The following REPS2 variants were observed in gnomAD, a reference collection of about 807,000 sequenced individuals.
The protein encoded by REPS2 is RALBP1 associated Eps domain containing 2.
REPS2 carries 23 observed loss-of-function variants against 53.6 expected under a neutral mutation model. The ratio of observed to expected loss-of-function variants is 0.43; its 90% CI spans 0.31 to 0.61. The LOEUF is 0.61. REPS2 is among the 20% of genes least tolerant of loss of function. REPS2 has a pLI of 0.11. For missense variants in REPS2, 446 were observed against 534.9 expected, an observed-to-expected ratio of 0.83 and a Z score of 1.64; for synonymous variants, 238 against 218.6, an observed-to-expected ratio of 1.09 and a Z score of -0.78.
downstream of REPS2, among the ~76,000 whole-genome samples, chrX:17,157,760 C>T (rs188556015): frequency 1.4e-4 from 16 of 112,431 alleles, no homozygotes; most frequent in Non-Finnish European, 1.9e-5. Context: ...AGCCTTCTTA[C>T]CATTATCAGG....
intron 6 of REPS2, among the ~76,000 whole-genome samples, chrX:17,050,129 T>TCTTCCTTC (rs1463683194): frequency 1.6e-4 from 9 of 55,282 alleles, no homozygotes; most frequent in African/African-American, 6.1e-4. Flanking sequence ...CTTCTTTCTT[T>TCTTCCTTC]CTTCCTTTCT....
chrX:17,062,999 A>G (rs2062178152), intron 9 of REPS2, among the ~76,000 whole-genome samples: 1 of 112,167 alleles, frequency 8.9e-6, no homozygotes. Context: ...GAACTCCCTC[A>G]GGGTTTTTAG....
At chrX:17,087,540 G>A (rs1475761154) in intron 13 of REPS2, among the ~76,000 whole-genome samples, 1 of 112,238 alleles carries the variant, frequency 8.9e-6, no homozygotes, top group African/African-American at 3.2e-5. Context: ...AAAGATTGTG[G>A]CATAAGCAAG....
At chrX:17,158,707 C>T in the REPS2 span, among the ~76,000 whole-genome samples, 4 of 111,757 alleles carry the variant, frequency 3.6e-5, no homozygotes, top group African/African-American at 6.5e-5. Context: ...GGATACTTGC[C>T]TGTTTTTTCT....
chrX:17,166,666 G>A, the REPS2 span, among the ~76,000 whole-genome samples: 1 of 111,880 alleles, frequency 8.9e-6, no homozygotes, highest in Non-Finnish European at 1.9e-5. Context: ...AGAACATTGT[G>A]TGCCTACACT....
chrX:16,961,982 C>T (rs1432502309), intron 1 of REPS2, among the ~76,000 whole-genome samples: 1 of 111,515 alleles, frequency 9.0e-6, no homozygotes, highest in Non-Finnish European at 1.9e-5. Flanking sequence ...AGAAAGACAA[C>T]AGATAACAAA....
At chrX:17,164,902 C>T in the REPS2 span, among the ~76,000 whole-genome samples, 1 of 111,456 alleles carries the variant, frequency 9.0e-6, no homozygotes, top group Non-Finnish European at 1.9e-5. Flanking sequence ...AAAAGATGAA[C>T]AAAATTAACC....
In REPS2 at chrX:17,024,285, T is replaced by TCAAA. The variant is rs111820217; in HGVS notation, c.547-757_547-754dup. Among the ~76,000 whole-genome samples, 463 of 106,906 alleles carry TCAAA rather than the reference T, an allele frequency of 4.3e-3. 2 individuals are homozygous for TCAAA. The highest frequency in any genetic ancestry group is 0.015 in the African/African-American group (442 of 29,339). The allele number at this position is 106,906 out of a possible 115,157, so 92.8% of individuals were successfully genotyped here. A position where few individuals can be genotyped will look rare whatever the true frequency, so the allele number is the denominator to read the frequency against. On this transcript the variant is annotated intron_variant, in intron 3 of 17. Transcript: ENST00000357277. ...CTGGGTGACAGAGCGAGACCCTGTC[T>TCAAA]CAAACAAACAAACAAACAAAAAAAA... is the stretch of plus-strand genomic sequence containing the variant.
At chrX:17,104,570 C>T (rs2148062476) in intron 14 of REPS2, among the ~76,000 whole-genome samples, 1 of 111,913 alleles carries the variant, frequency 8.9e-6, no homozygotes, top group African/African-American at 3.2e-5. Context: ...AGCTATCCTT[C>T]CATACGGGGA....
At chrX:17,045,164 C>T (rs1308894594) in intron 5 of REPS2, among the ~76,000 whole-genome samples, 1 of 104,431 alleles carries the variant, frequency 9.6e-6, no homozygotes, top group Non-Finnish European at 2.0e-5. Context: ...AACTCCTGAC[C>T]TCAGGTGATC....
chrX:17,052,626 A>G (rs1912740255), intron 7 of REPS2, among the ~76,000 whole-genome samples, 181 bp downstream of exon 7: 1 of 112,514 alleles, frequency 8.9e-6, no homozygotes, highest in Non-Finnish European at 1.9e-5. Context: ...AGTACAATGA[A>G]CAATGTCTGG....
At chrX:17,034,637 G>GA (rs1260033630) in intron 5 of REPS2, among the ~76,000 whole-genome samples, 2 of 112,017 alleles carry the variant, frequency 1.8e-5, no homozygotes, top group Non-Finnish European at 3.8e-5. Context: ...GATTGCACTA[G>GA]AAAAAATTAT....
At chrX:17,011,456 G>A (rs1212341316) in intron 2 of REPS2, among the ~76,000 whole-genome samples, 1 of 111,743 alleles carries the variant, frequency 8.9e-6, no homozygotes, top group African/African-American at 3.3e-5. Flanking sequence ...GCAGAACCTA[G>A]AGTAGGGTTT....
intron 5 of REPS2, among the ~76,000 whole-genome samples, chrX:17,046,448 T>A (rs2061907838): frequency 8.9e-6 from 1 of 111,942 alleles, no homozygotes; most frequent in Admixed American, 9.5e-5. Flanking sequence ...AGTGCTGGGA[T>A]TACTTGCGTG....
chrX:17,003,674 C>T (rs1472792418), intron 1 of REPS2, among the ~76,000 whole-genome samples: 1 of 111,712 alleles, frequency 9.0e-6, no homozygotes, highest in Non-Finnish European at 1.9e-5. Context: ...TCCAGCCCCT[C>T]CTACTAGGAG....
chrX:17,129,008 A>G (rs768667960), intron 14 of REPS2, among the ~76,000 whole-genome samples: 6 of 112,314 alleles, frequency 5.3e-5, no homozygotes, highest in Non-Finnish European at 1.9e-5. Flanking sequence ...GCCATTTGTT[A>G]TATTAATTGT....
intron 1 of REPS2, among the ~76,000 whole-genome samples, chrX:16,973,870 C>T (rs966791525): frequency 2.2e-4 from 24 of 110,331 alleles, no homozygotes; most frequent in African/African-American, 7.9e-4. Context: ...ACATCATGTT[C>T]TTCTATGCCT....
At chrX:16,969,077 C>T (rs976074382) in intron 1 of REPS2, among the ~76,000 whole-genome samples, 2 of 110,767 alleles carry the variant, frequency 1.8e-5, no homozygotes, top group African/African-American at 3.3e-5. Flanking sequence ...ACGCTCCTCA[C>T]ATCCCGGATG....
At chrX:16,951,520 C>G (rs1256610304) in intron 1 of REPS2, among the ~76,000 whole-genome samples, 1 of 42,381 alleles carries the variant, frequency 2.4e-5, no homozygotes, top group Non-Finnish European at 5.7e-5. Flanking sequence ...CACACACACA[C>G]ACACACACAC....
Sources: allele counts gnomAD v4.1 joint callset (sites outside exome capture counted in the v4.1 genomes callset), GRCh38; gene constraint gnomAD v4.1.1; transcripts MANE v1.5; gene names NCBI Gene and HGNC (gene_info 2026-07-23, HGNC 2026-07-21).